Variants in AUTS2 observed in about 807,000 individuals in gnomAD.
The protein encoded by AUTS2 is activator of transcription and developmental regulator AUTS2.
AUTS2 carries 17 observed loss-of-function variants against 112.4 expected under a neutral mutation model. The ratio of observed to expected loss-of-function variants is 0.15; its 90% confidence interval spans 0.10 to 0.23. The LOEUF (loss-of-function observed/expected upper bound fraction) is 0.23, where lower values mean the gene tolerates loss of function less well. AUTS2 is among the 10% of genes least tolerant of loss of function. The pLI, the probability that AUTS2 is intolerant of heterozygous loss-of-function variation, is 1.00. For missense variants in AUTS2, 1,510 were observed against 1,701.6 expected (o/e 0.89, Z 1.98); for synonymous variants, 751 against 702.7 (o/e 1.07, Z -1.09).
At chr7:70,127,824 A>C (rs1047057231) in intron 3 of AUTS2, among the ~76,000 whole-genome samples, 24 of 152,008 alleles carry the variant, frequency 1.6e-4, no homozygotes, top group South Asian at 6.3e-4. Context: ...TCCTACTTCA[A>C]ATCTTCCCTG....
intron 1 of AUTS2, 130 bp downstream of exon 1, chr7:69,600,092 TG>T: frequency 9.9e-7 from 1 of 1,005,968 alleles, no homozygotes; most frequent in Non-Finnish European, 1.4e-6. Context: ...CTGTCTAGGC[TG>T]AGGTCTTATT....
chr7:69,605,194 G>C (rs1792646123), intron 1 of AUTS2, among the ~76,000 whole-genome samples: 1 of 152,184 alleles, frequency 6.6e-6, no homozygotes, highest in African/African-American at 2.4e-5. Context: ...CTTGGAATCT[G>C]GTGATCTCTG....
At chr7:69,903,020 T>C (rs965987375) in intron 2 of AUTS2, among the ~76,000 whole-genome samples, 2 of 152,220 alleles carry the variant, frequency 1.3e-5, no homozygotes, top group Admixed American at 6.5e-5. Flanking sequence ...AAATAGCGCA[T>C]GTCTTTCTGA....
chr7:70,579,174 C>G (rs947001390), intron 5 of AUTS2, among the ~76,000 whole-genome samples: 6 of 143,298 alleles, frequency 4.2e-5, no homozygotes, highest in African/African-American at 1.5e-4. Context: ...AGCAATCCAC[C>G]CATCTCGGCC....
At chr7:69,985,934 A>G (rs530121633) in intron 2 of AUTS2, among the ~76,000 whole-genome samples, 39 of 152,078 alleles carry the variant, frequency 2.6e-4, no homozygotes, top group African/African-American at 8.4e-4. Context: ...TCTTAAAAAA[A>G]GTTTTTTTTG....
At chr7:69,806,299 A>G (rs991960671) in intron 1 of AUTS2, among the ~76,000 whole-genome samples, 1 of 142,162 alleles carries the variant, frequency 7.0e-6, no homozygotes, top group East Asian at 2.1e-4. Flanking sequence ...TTTTTTACTT[A>G]GTGTGTCTAG....
intron 4 of AUTS2, 69 bp from the exon 5 acceptor site, chr7:70,435,683 A>T: frequency 6.7e-7 from 1 of 1,503,012 alleles, no homozygotes; most frequent in Non-Finnish European, 9.3e-7. Context: ...GGGTTGGGGG[A>T]GGAGGCATCA....
At chr7:70,172,902 T>C (rs1808777262) in intron 4 of AUTS2, among the ~76,000 whole-genome samples, 1 of 152,212 alleles carries the variant, frequency 6.6e-6, no homozygotes, top group South Asian at 2.1e-4. Context: ...TCTCCAAACC[T>C]TCAAGGATTC....
intron 4 of AUTS2, among the ~76,000 whole-genome samples, chr7:70,191,494 A>G (rs1809890595): frequency 6.6e-6 from 1 of 152,154 alleles, no homozygotes; most frequent in South Asian, 2.1e-4. Context: ...ATGATGGGAA[A>G]ACTGGTAATA....
chr7:69,987,281 G>A (rs1180034657), intron 2 of AUTS2, among the ~76,000 whole-genome samples: 1 of 152,184 alleles, frequency 6.6e-6, no homozygotes, highest in Non-Finnish European at 1.5e-5. Flanking sequence ...AAAGACATAT[G>A]ACAGTGAAAT....
intron 4 of AUTS2, among the ~76,000 whole-genome samples, chr7:70,254,912 G>A (rs1250504933): frequency 6.6e-6 from 1 of 152,024 alleles, no homozygotes; most frequent in African/African-American, 2.4e-5. Context: ...TGGTATTTCA[G>A]TTGAAAAGGT....
At chr7:70,592,931 C>A (rs914493340) in intron 5 of AUTS2, among the ~76,000 whole-genome samples, 3 of 152,114 alleles carry the variant, frequency 2.0e-5, no homozygotes, top group Non-Finnish European at 4.4e-5. Context: ...CTCACTGCAA[C>A]CTCAAACTTC....
intron 4 of AUTS2, among the ~76,000 whole-genome samples, chr7:70,139,025 G>A (rs1208275998): frequency 6.6e-6 from 1 of 152,136 alleles, no homozygotes; most frequent in East Asian, 1.9e-4. Context: ...TAGTGCAGTG[G>A]TGTAGTCACA....
Position 69,666,520 on chromosome 7 carries a change from C to T in AUTS2, c.309+66558C>T, listed in dbSNP as rs140266331. Among the ~76,000 whole-genome samples, 357 of 152,210 alleles carry T rather than the reference C, an allele frequency of 2.3e-3. 1 individual carries two copies. The highest frequency in any genetic ancestry group is 7.4e-3 in the African/African-American group (308 of 41,528). ...ACAGAAAACCTACTTACTTCTAAGC[C>T]GTGATATGTCTGTATTGGAAAATAG... On this transcript the variant is annotated intron_variant, in intron 1 of 18. Coordinates refer to ENST00000342771, the MANE Select transcript of AUTS2 (RefSeq NM_015570.4).
chr7:70,094,974 A>T (rs1036143132), intron 2 of AUTS2, among the ~76,000 whole-genome samples: 1 of 152,144 alleles, frequency 6.6e-6, no homozygotes, highest in Non-Finnish European at 1.5e-5. Context: ...AGTGGGTGCA[A>T]TGGTTTGTGT....
chr7:70,246,669 T>C (rs1381939913), intron 4 of AUTS2, among the ~76,000 whole-genome samples: 1 of 152,134 alleles, frequency 6.6e-6, no homozygotes, highest in East Asian at 1.9e-4. Context: ...TACACATTGG[T>C]GACTCTTGTC....
chr7:70,090,366 A>ATT (rs537366402), intron 2 of AUTS2, among the ~76,000 whole-genome samples: 17 of 148,196 alleles, frequency 1.1e-4, no homozygotes, highest in Non-Finnish European at 2.2e-4. Flanking sequence ...CATAATATAA[A>ATT]TTTTTTTTTT....
intron 2 of AUTS2, among the ~76,000 whole-genome samples, chr7:70,031,407 T>C (rs907858284): frequency 7.2e-5 from 11 of 152,276 alleles, no homozygotes; most frequent in South Asian, 4.1e-4. Context: ...TTCAGCATAA[T>C]AGTGGCAGTC....
At chr7:70,444,013 TC>T (rs1176143176) in intron 5 of AUTS2, among the ~76,000 whole-genome samples, 26 of 152,316 alleles carry the variant, frequency 1.7e-4, no homozygotes, top group Admixed American at 1.3e-3. Context: ...ACAGAAAAGT[TC>T]CTGCTGCTTC....
Sources: gnomAD v4.1 joint callset for allele counts (sites outside exome capture counted in the v4.1 genomes callset) on GRCh38, gnomAD v4.1.1 for gene constraint, MANE v1.5 for transcripts, NCBI Gene and HGNC (gene_info 2026-07-23, HGNC 2026-07-21) for gene names.